The following LTAP1 variants were observed in gnomAD, a reference collection of about 807,000 sequenced individuals.
LTAP1 encodes HCV NS5A-transactivated protein 4.
At chr1:154,218,032 T>A in the LTAP1 span, among the ~76,000 whole-genome samples, 1 of 152,214 alleles carries the variant, frequency 6.6e-6, no homozygotes, top group African/African-American at 2.4e-5. Flanking sequence ...TGGGCTCACA[T>A]GATCTTCTGG....
the LTAP1 span, among the ~76,000 whole-genome samples, chr1:154,215,316 C>T: frequency 6.6e-6 from 1 of 151,772 alleles, no homozygotes; most frequent in South Asian, 2.1e-4. Flanking sequence ...CCTGTAATCC[C>T]AACACTTTGG....
the LTAP1 span, chr1:154,207,122 C>A: frequency 4.2e-6 from 1 of 236,862 alleles, no homozygotes; most frequent in Non-Finnish European, 8.3e-6. Context: ...TTAAATAAAC[C>A]TGGAACAGGG....
At chr1:154,214,133 C>T in the LTAP1 span, among the ~76,000 whole-genome samples, 3 of 152,124 alleles carry the variant, frequency 2.0e-5, no homozygotes, top group African/African-American at 7.2e-5. Context: ...CAAAATTAGC[C>T]AGGCGTGGTG....
the LTAP1 span, among the ~76,000 whole-genome samples, chr1:154,210,562 C>G: frequency 6.6e-6 from 1 of 152,174 alleles, no homozygotes; most frequent in African/African-American, 2.4e-5. Flanking sequence ...ACTGCAACCT[C>G]CACCTCCCAG....
At chr1:154,213,578 T>C in the LTAP1 span, among the ~76,000 whole-genome samples, 1 of 152,226 alleles carries the variant, frequency 6.6e-6, no homozygotes. Context: ...ACAATCTATC[T>C]TGGGCTTAGT....
chr1:154,219,393 T>C, the LTAP1 span, among the ~76,000 whole-genome samples: 1 of 152,212 alleles, frequency 6.6e-6, no homozygotes, highest in African/African-American at 2.4e-5. Context: ...CCTCCTTTTC[T>C]TGGGCTTCTT....
chr1:154,212,539 A>C, the LTAP1 span: 1 of 1,614,204 alleles, frequency 6.2e-7, no homozygotes, highest in Non-Finnish European at 8.5e-7. Flanking sequence ...AAGGCGTACT[A>C]GTGTTTCGCA....
At chr1:154,216,510 CAT>C in the LTAP1 span, among the ~76,000 whole-genome samples, 1 of 150,714 alleles carries the variant, frequency 6.6e-6, no homozygotes, top group Non-Finnish European at 1.5e-5. Flanking sequence ...AATTATTAAA[CAT>C]TTTTTTTTTT....
At chr1:154,214,511 G>C in the LTAP1 span, 1 of 1,614,070 alleles carries the variant, frequency 6.2e-7, no homozygotes, top group East Asian at 2.2e-5. Context: ...TCTGCAAGGA[G>C]CTGGGGCTCA....
the LTAP1 span, among the ~76,000 whole-genome samples, chr1:154,209,307 T>A: frequency 2.7e-5 from 4 of 149,806 alleles, no homozygotes. Context: ...ATAACTGGAA[T>A]CATCTAGTAT....
At chr1:154,207,753 T>C in the LTAP1 span, 1 of 898,646 alleles carries the variant, frequency 1.1e-6, no homozygotes, top group Admixed American at 2.7e-5. Context: ...TAGTTATTTG[T>C]GTCCTATCTG....
chr1:154,220,274 C>G, the LTAP1 span: 1 of 1,569,542 alleles, frequency 6.4e-7, no homozygotes, highest in East Asian at 2.2e-5. Context: ...AGACGGGGTA[C>G]AGCTCAAAAG....
At chr1:154,213,930 C>G in the LTAP1 span, 1 of 1,612,822 alleles carries the variant, frequency 6.2e-7, no homozygotes, top group African/African-American at 1.3e-5. Context: ...TCATCCTATA[C>G]AGATAGTTGT....
the LTAP1 span, among the ~76,000 whole-genome samples, chr1:154,210,995 T>C: frequency 6.6e-6 from 1 of 152,050 alleles, no homozygotes; most frequent in Non-Finnish European, 1.5e-5. Context: ...AAAAATAGAT[T>C]TTTTTAATTT....
the LTAP1 span, chr1:154,212,477 G>C: frequency 1.2e-6 from 2 of 1,614,164 alleles, no homozygotes; most frequent in Non-Finnish European, 1.7e-6. Flanking sequence ...ATAGCGGGCT[G>C]TTTCATAGCC....
the LTAP1 span, chr1:154,220,498 C>G: frequency 7.1e-7 from 1 of 1,417,878 alleles, no homozygotes; most frequent in Non-Finnish European, 1.0e-6. Context: ...CGCCTGGGTC[C>G]CCTGGAGCTC....
chr1:154,218,923 T>G, the LTAP1 span, among the ~76,000 whole-genome samples: 1 of 152,228 alleles, frequency 6.6e-6, no homozygotes, highest in South Asian at 2.1e-4. Flanking sequence ...TAAGCATTCC[T>G]TTTTTGGAAG....
the LTAP1 span, among the ~76,000 whole-genome samples, chr1:154,210,652 G>C: frequency 5.9e-5 from 9 of 151,960 alleles, no homozygotes; most frequent in Non-Finnish European, 1.3e-4. Flanking sequence ...GCTAATTTTT[G>C]TATTTTTGTA....
the LTAP1 span, chr1:154,213,788 G>C: frequency 1.2e-6 from 1 of 850,506 alleles, no homozygotes; most frequent in Non-Finnish European, 1.9e-6. Context: ...TACTAGCCAG[G>C]GATGTGCAGA....
Sources: gnomAD v4.1 joint callset for allele counts (sites outside exome capture counted in the v4.1 genomes callset) on GRCh38, gnomAD v4.1.1 for gene constraint, MANE v1.5 for transcripts, NCBI Gene and HGNC (gene_info 2026-07-23, HGNC 2026-07-21) for gene names.